Variants in UTRN observed in about 807,000 individuals in gnomAD.
UTRN encodes the protein utrophin, also known as dystrophin-related protein 1.
UTRN carries 283 observed loss-of-function variants against 463.9 expected under a neutral mutation model. The ratio of observed to expected loss-of-function variants is 0.61; its 90% confidence interval spans 0.55 to 0.67. The LOEUF is 0.67. Ranked by LOEUF, UTRN falls within the 30% of genes least tolerant of loss-of-function variation. The probability of loss-of-function intolerance (pLI) is 0.00; values close to 1 mark genes in which losing one functional copy is unlikely to be tolerated. For synonymous variants in UTRN, 1,442 were observed against 1,431.5 expected (o/e 1.01, Z -0.17); for missense variants, 3,922 against 4,084.3 (o/e 0.96, Z 1.08).
chr6:144,775,664 T>C lies in UTRN; in HGVS notation c.8632+1300T>C, dbSNP rs117697389. 3.3e-3 allele frequency among the ~76,000 whole-genome samples: 504 copies of C among 152,246 alleles called. 19 individuals carry two copies. The East Asian group carries it at 0.078, about 24-fold the overall frequency. ...GCTCAGCTGCACATCCAGGATCCAG[T>C]TGATGGGTCTGGAAGTTCTTCTCAG... On this transcript the variant is annotated intron_variant, in intron 60 of 74. Coordinates refer to ENST00000367545, the MANE Select transcript of UTRN (RefSeq NM_007124.3).
chr6:144,537,562 T>A lies in UTRN; in HGVS notation c.6234-20T>A, dbSNP rs759644504. ...TTGGACAGTTTTTCCTCAATATTTT[T>A]AAATAATATATTCTTTTAGGCTAAA... is the stretch of plus-strand genomic sequence containing the variant. On this transcript the variant is annotated intron_variant, in intron 43 of 74. Transcript: ENST00000367545. 12 of 1,480,050 alleles carry A rather than the reference T, an allele frequency of 8.1e-6. No homozygotes were observed. The highest frequency in any genetic ancestry group is 1.1e-5 in the Non-Finnish European group (12 of 1,116,256). 91.7% of individuals were successfully genotyped at this position (1,480,050 alleles called of 1,614,324 possible). A position where few individuals can be genotyped will look rare whatever the true frequency, so the allele number is the denominator to read the frequency against.
Position 144,473,722 on chromosome 6 carries a change from C to G in UTRN, c.3069C>G (p.Ala1023=). The change falls in exon 24 of 75, where the codon GCC becomes GCG. Residue 1023 remains alanine, a splice_region_variant and synonymous_variant. Coordinates refer to ENST00000367545, the MANE Select transcript of UTRN (RefSeq NM_007124.3). ...CCTCTGTTATCATGTTCGATTAGGCCGATTCAACAGTCATTGAGAAGTGGA... is the reference window on the plus strand; with the variant it reads ...CCTCTGTTATCATGTTCGATTAGGCGGATTCAACAGTCATTGAGAAGTGGA... The part of the protein sequence containing the change: ...EIALTLRAFE[A]DSTVIEKWMD... The G allele has an allele frequency of 6.2e-7, 1 of 1,613,552 alleles. No homozygotes were observed. The highest frequency in any genetic ancestry group is 8.5e-7 in the Non-Finnish European group (1 of 1,179,676).
At chr6:144,568,713 G>A (rs149226157) in intron 50 of UTRN, among the ~76,000 whole-genome samples, 11 of 152,252 alleles carry the variant, frequency 7.2e-5, no homozygotes, top group Middle Eastern at 3.4e-3. Context: ...AGGTGAGAGT[G>A]GAGGAACACT....
At chr6:144,841,215 C>A (rs1304554924) in intron 73 of UTRN, among the ~76,000 whole-genome samples, 1 of 152,218 alleles carries the variant, frequency 6.6e-6, no homozygotes, top group East Asian at 1.9e-4. Flanking sequence ...TGGAAACAGC[C>A]TTTCTAGTGT....
chr6:144,301,707 G>A (rs1263614118), intron 2 of UTRN, among the ~76,000 whole-genome samples: 1 of 151,760 alleles, frequency 6.6e-6, no homozygotes, highest in Non-Finnish European at 1.5e-5. Context: ...GCTACTTTTT[G>A]TATTTTTAGT....
intron 9 of UTRN, 29 bp downstream of exon 9, chr6:144,429,770 G>C: frequency 6.3e-7 from 1 of 1,593,936 alleles, no homozygotes; most frequent in Non-Finnish European, 8.5e-7. Context: ...TAAGATGTTT[G>C]GCTTGCCGTA....
intron 51 of UTRN, among the ~76,000 whole-genome samples, chr6:144,652,419 C>A (rs535893930): frequency 6.6e-6 from 1 of 152,128 alleles, no homozygotes; most frequent in African/African-American, 2.4e-5. Flanking sequence ...GATCCATGTA[C>A]GAAGGTGCTA....
chr6:144,331,221 A>G (rs1002053394), intron 2 of UTRN, among the ~76,000 whole-genome samples: 5 of 152,244 alleles, frequency 3.3e-5, no homozygotes, highest in Admixed American at 2.0e-4. Flanking sequence ...AGTTACATGT[A>G]AAGAATCTAA....
chr6:144,521,939 A>T, intron 39 of UTRN, 41 bp from the exon 40 acceptor site: 1 of 1,034,646 alleles, frequency 9.7e-7, no homozygotes, highest in Non-Finnish European at 1.2e-6. Context: ...TTTAAGAGAT[A>T]TATATATATA....
chr6:144,758,042 ATAACT>A (rs1222635899), intron 58 of UTRN, 53 bp downstream of exon 58: 6 of 1,514,134 alleles, frequency 4.0e-6, no homozygotes, highest in African/African-American at 1.4e-5. Context: ...TGTTTTATTG[ATAACT>A]TAAGAGGCTT....
intron 52 of UTRN, among the ~76,000 whole-genome samples, chr6:144,699,760 A>G (rs1176436429): frequency 6.7e-6 from 1 of 150,130 alleles, no homozygotes; most frequent in African/African-American, 2.4e-5. Context: ...AAATTTTGAT[A>G]GTTATTACCA....
chr6:144,352,363 T>G (rs1457699222), intron 2 of UTRN, among the ~76,000 whole-genome samples: 3 of 152,214 alleles, frequency 2.0e-5, no homozygotes, highest in Non-Finnish European at 4.4e-5. Flanking sequence ...ATATTTTACC[T>G]TTGCCCATGT....
At chr6:144,538,078 C>T (rs1402206698) in intron 44 of UTRN, among the ~76,000 whole-genome samples, 1 of 152,092 alleles carries the variant, frequency 6.6e-6, no homozygotes, top group Non-Finnish European at 1.5e-5. Flanking sequence ...AGCTGCAAAA[C>T]TCAACTTTAT....
At chr6:144,486,305 CAG>C (rs765064404) in intron 28 of UTRN, among the ~76,000 whole-genome samples, 2 of 151,976 alleles carry the variant, frequency 1.3e-5, no homozygotes, top group Non-Finnish European at 2.9e-5. Flanking sequence ...GAGTGAGAGA[CAG>C]AGTGAATGAA....
rs183391981 is a variant in UTRN, at chr6:144,543,908, G to A, written c.6595+1038G>A. ...GAAATTTGCACAAAAAGTACCTGGG[G>A]CCTGATCAAGTTTCTTGATTAATAT... On this transcript the variant is annotated intron_variant, in intron 46 of 74. Coordinates refer to ENST00000367545, the MANE Select transcript of UTRN (RefSeq NM_007124.3). Among the ~76,000 whole-genome samples the A allele has an allele frequency of 7.9e-5, 12 of 152,068 alleles. No homozygotes were observed. In the East Asian group the frequency reaches 1.9e-3, roughly 24 times the overall value.
chr6:144,526,062 T>A (rs1434906048), intron 41 of UTRN, among the ~76,000 whole-genome samples: 1 of 152,216 alleles, frequency 6.6e-6, no homozygotes, highest in Non-Finnish European at 1.5e-5. Flanking sequence ...GATGTAATTT[T>A]AGTTTTCTTA....
At chr6:144,641,389 A>T (rs1454485568) in intron 51 of UTRN, among the ~76,000 whole-genome samples, 1 of 152,176 alleles carries the variant, frequency 6.6e-6, no homozygotes, top group African/African-American at 2.4e-5. Flanking sequence ...GGTTGTGAAG[A>T]CTAAAGTTTT....
chr6:144,398,323 A>G (rs1782639257), intron 2 of UTRN: 4 of 321,390 alleles, frequency 1.2e-5, no homozygotes, highest in South Asian at 9.9e-5. Context: ...TCCTCAATAG[A>G]TTTGCTTGTT....
intron 13 of UTRN, among the ~76,000 whole-genome samples, chr6:144,443,712 G>T (rs1787389685): frequency 6.6e-6 from 1 of 151,812 alleles, no homozygotes; most frequent in African/African-American, 2.4e-5. Context: ...AACTTATGGG[G>T]AATTTTTTTA....
Sources: gnomAD v4.1 joint callset for allele counts (sites outside exome capture counted in the v4.1 genomes callset) on GRCh38, gnomAD v4.1.1 for gene constraint, MANE v1.5 for transcripts, NCBI Gene and HGNC (gene_info 2026-07-23, HGNC 2026-07-21) for gene names.